Variants in SNTG1 observed in about 807,000 individuals in gnomAD.
The protein encoded by SNTG1 is gamma-1-syntrophin.
Under a neutral mutation model 74.7 loss-of-function variants are expected in SNTG1, and 39 were observed. That is an observed-to-expected ratio of 0.52 (90% CI 0.40 to 0.68). The LOEUF (loss-of-function observed/expected upper bound fraction) is 0.68. Ranked by LOEUF, SNTG1 falls within the 30% of genes least tolerant of loss-of-function variation. The pLI is 0.00. For synonymous variants in SNTG1, 254 were observed against 217.1 expected (o/e 1.17, Z -1.49); for missense variants, 685 against 609.5 (o/e 1.12, Z -1.30).
chr8:49,953,183 A>G (rs1255877788), intron 1 of SNTG1, among the ~76,000 whole-genome samples: 1 of 152,224 alleles, frequency 6.6e-6, no homozygotes, highest in Non-Finnish European at 1.5e-5. Flanking sequence ...TTAGAAGAAC[A>G]AAGTAAGGAG....
intron 13 of SNTG1, among the ~76,000 whole-genome samples, chr8:50,620,787 T>G (rs2094917866): frequency 6.6e-6 from 1 of 151,606 alleles, no homozygotes; most frequent in Non-Finnish European, 1.5e-5. Context: ...TCTTTTAAAC[T>G]GACTTCTAGA....
intron 13 of SNTG1, among the ~76,000 whole-genome samples, chr8:50,631,153 T>C (rs10106921): frequency 0.18 from 27,761 of 152,128 alleles, 6,245 homozygotes; most frequent in African/African-American, 0.53. Flanking sequence ...GTAATTCTTA[T>C]GGTATGTAAA....
chr8:50,647,091 G>T (rs1236473737), intron 13 of SNTG1, among the ~76,000 whole-genome samples: 1 of 152,020 alleles, frequency 6.6e-6, no homozygotes, highest in East Asian at 1.9e-4. Flanking sequence ...ACTTAAATTT[G>T]AAAGGCAAAT....
At chr8:50,057,833 G>T (rs1820155186) in intron 1 of SNTG1, among the ~76,000 whole-genome samples, 2 of 152,166 alleles carry the variant, frequency 1.3e-5, no homozygotes, top group South Asian at 4.1e-4. Flanking sequence ...CTATTTTAGG[G>T]TTGTTAATGA....
At position 50,306,738 on chromosome 8, in the gene SNTG1, A is replaced by AT. The variant is rs200671719; in HGVS notation, c.-27-87465dup. ...ATGTCATTTGCCTACTTTTTGATGG[A>AT]TTTTTTTTTCTGATTTCTTTGAGTT... On this transcript the variant is annotated intron_variant, in intron 2 of 18. Coordinates refer to ENST00000642720, the MANE Select transcript of SNTG1 (RefSeq NM_018967.5). Among the ~76,000 whole-genome samples, 180 of 149,376 alleles carry AT rather than the reference A, an allele frequency of 1.2e-3. 1 individual carries two copies. Among genetic ancestry groups the AT allele is most frequent in the Non-Finnish European group, 9.8e-4 (66 of 67,064 alleles).
chr8:50,684,498 T>C (rs2095343792), intron 15 of SNTG1, among the ~76,000 whole-genome samples: 1 of 152,110 alleles, frequency 6.6e-6, no homozygotes, highest in Admixed American at 6.5e-5. Context: ...GTTTCAATAA[T>C]AATGTCTTAG....
At chr8:50,203,085 A>T (rs2084052122) in intron 2 of SNTG1, among the ~76,000 whole-genome samples, 2 of 151,084 alleles carry the variant, frequency 1.3e-5, no homozygotes, top group South Asian at 2.1e-4. Flanking sequence ...CTTCCTCTTC[A>T]TTATATATTT....
chr8:49,925,512 A>G lies in SNTG1; in HGVS notation c.-103+13281A>G, dbSNP rs548405141. Among the ~76,000 whole-genome samples, 8 of 152,278 alleles carry G rather than the reference A, an allele frequency of 5.3e-5. No individual in the cohort carries two copies. The East Asian group carries it at 1.5e-3, about 29-fold the overall frequency. The stretch of plus-strand genomic sequence containing the variant: ...GAGTTCTGTGTGGTTTATCCCATAC[A>G]TAGATTTGTATAACCACTCTCACAA... On this transcript the variant is annotated intron_variant, in intron 1 of 18. Coordinates refer to ENST00000642720, the MANE Select transcript of SNTG1 (RefSeq NM_018967.5).
chr8:50,764,593 T>C (rs557537559), intron 18 of SNTG1, among the ~76,000 whole-genome samples: 2 of 151,964 alleles, frequency 1.3e-5, no homozygotes, highest in Admixed American at 1.3e-4. Flanking sequence ...CTCATATCTA[T>C]CAAATGGCTA....
chr8:50,078,417 T>A (rs1456321690), intron 1 of SNTG1, among the ~76,000 whole-genome samples: 7 of 152,222 alleles, frequency 4.6e-5, no homozygotes, highest in Non-Finnish European at 1.0e-4. Flanking sequence ...TTTCTTTTGA[T>A]CTTCTGTACT....
At chr8:50,458,801 GT>G (rs2093532576) in intron 8 of SNTG1, among the ~76,000 whole-genome samples, 1 of 151,858 alleles carries the variant, frequency 6.6e-6, no homozygotes, top group African/African-American at 2.4e-5. Flanking sequence ...CTAAGAGTTT[GT>G]TTACATAATC....
intron 2 of SNTG1, among the ~76,000 whole-genome samples, chr8:50,224,073 A>T (rs2085204530): frequency 6.6e-6 from 1 of 152,184 alleles, no homozygotes; most frequent in Admixed American, 6.5e-5. Context: ...AATATTTAAA[A>T]TGCCTAAATA....
At chr8:50,541,626 C>T (rs2094347799) in intron 11 of SNTG1, among the ~76,000 whole-genome samples, 1 of 151,952 alleles carries the variant, frequency 6.6e-6, no homozygotes, top group South Asian at 2.1e-4. Context: ...CTTACAATAT[C>T]CATCATCTTA....
chr8:50,402,173 A>G (rs1686409497), intron 3 of SNTG1, 37 bp from the exon 4 acceptor site: 1 of 1,577,268 alleles, frequency 6.3e-7, no homozygotes, highest in African/African-American at 1.4e-5. Flanking sequence ...AACTAAGTAT[A>G]ATTTTTCCTC....
intron 13 of SNTG1, among the ~76,000 whole-genome samples, chr8:50,656,262 G>A (rs919411501): frequency 6.6e-6 from 1 of 152,160 alleles, no homozygotes; most frequent in Non-Finnish European, 1.5e-5. Flanking sequence ...CATAAAAAGA[G>A]GAGTGGCTCA....
In SNTG1 at chr8:50,609,910, T is replaced by C. The variant is rs144213422; in HGVS notation, c.849+18993T>C. ...ATTGCTATAATAAATTATTTGAACA[T>C]ATTTAGAAAACTTCTGTAAGTTTTT... On this transcript the variant is annotated intron_variant, in intron 13 of 18. Transcript: ENST00000642720. Among the ~76,000 whole-genome samples, 760 of 152,242 alleles carry C rather than the reference T, an allele frequency of 5.0e-3. 7 individuals are homozygous for C. Among genetic ancestry groups the C allele is most frequent in the African/African-American group, 0.017 (710 of 41,586 alleles).
chr8:50,633,621 T>C lies in SNTG1; in HGVS notation c.850-23288T>C, dbSNP rs553252910. Among the ~76,000 whole-genome samples the C allele has an allele frequency of 9.2e-5, 14 of 152,166 alleles. 1 individual carries two copies. Among genetic ancestry groups the C allele is most frequent in the Admixed American group, 3.3e-4 (5 of 15,272 alleles). On this transcript the variant is annotated intron_variant, in intron 13 of 18. Coordinates refer to ENST00000642720, the MANE Select transcript of SNTG1 (RefSeq NM_018967.5). ...TGACCCCAGCTTCCTTAAGGAGGAATATGAATGTTGAGGTGGGCTGTGCAC... is the reference window on the plus strand; with the variant it reads ...TGACCCCAGCTTCCTTAAGGAGGAACATGAATGTTGAGGTGGGCTGTGCAC...
intron 18 of SNTG1, among the ~76,000 whole-genome samples, chr8:50,778,252 G>A (rs572430620): frequency 6.6e-6 from 1 of 152,240 alleles, no homozygotes; most frequent in East Asian, 1.9e-4. Flanking sequence ...GGTATTTCCA[G>A]TTCTAGATCC....
intron 1 of SNTG1, among the ~76,000 whole-genome samples, chr8:50,045,377 G>C (rs1326967560): frequency 6.6e-6 from 1 of 152,122 alleles, no homozygotes; most frequent in Non-Finnish European, 1.5e-5. Flanking sequence ...GTAGCAGCAA[G>C]AGCCAGAAGG....
Sources: gnomAD v4.1 joint callset for allele counts (sites outside exome capture counted in the v4.1 genomes callset) on GRCh38, gnomAD v4.1.1 for gene constraint, MANE v1.5 for transcripts, NCBI Gene and HGNC (gene_info 2026-07-23, HGNC 2026-07-21) for gene names.